The following DYNC2H1 variants were observed in gnomAD, a reference collection of about 807,000 sequenced individuals.
DYNC2H1 encodes the protein dynein cytoplasmic 2 heavy chain 1.
In DYNC2H1, 410 loss-of-function variants were observed where a neutral mutation model predicts 570.0. The ratio of observed to expected loss-of-function variants is 0.72; its 90% CI spans 0.66 to 0.78. The LOEUF (loss-of-function observed/expected upper bound fraction) is 0.78. Among genes scored for constraint, DYNC2H1 ranks in the 30% least tolerant of loss-of-function variants. DYNC2H1 has a pLI of 0.00. For missense variants in DYNC2H1, 4,865 were observed against 5,046.4 expected (o/e 0.96, Z 1.09); for synonymous variants, 1,688 against 1,677.6 (o/e 1.01, Z -0.15).
chr11:103,217,082 A>C (rs1386285824), intron 55 of DYNC2H1, among the ~76,000 whole-genome samples: 21 of 152,128 alleles, frequency 1.4e-4, no homozygotes, highest in Admixed American at 1.4e-3. Flanking sequence ...GGTAACTGTT[A>C]CCTTGTCAAC....
intron 73 of DYNC2H1, among the ~76,000 whole-genome samples, chr11:103,284,023 A>AG (rs34017319): frequency 0.96 from 146,859 of 152,196 alleles, 71,047 homozygotes; most frequent in Middle Eastern, 1. Context: ...TACTTTTAAC[A>AG]GAACCCTGCA....
chr11:103,180,692 C>T (rs983303166), intron 39 of DYNC2H1, among the ~76,000 whole-genome samples: 2 of 151,232 alleles, frequency 1.3e-5, no homozygotes, highest in Non-Finnish European at 3.0e-5. Context: ...ATTAATGATT[C>T]TGGGACAACT....
chr11:103,273,769 A>G (rs1865799876), intron 70 of DYNC2H1, among the ~76,000 whole-genome samples: 1 of 152,172 alleles, frequency 6.6e-6, no homozygotes, highest in African/African-American at 2.4e-5. Context: ...CTGAGGTCAC[A>G]TGGAAACCCT....
intron 70 of DYNC2H1, among the ~76,000 whole-genome samples, chr11:103,272,144 C>T (rs142432351): frequency 0.034 from 5,143 of 152,242 alleles, 124 homozygotes; most frequent in Non-Finnish European, 0.047. Context: ...TGCGGCACTA[C>T]TCACAATAGC....
Position 103,203,668 on chromosome 11 carries a change from G to C in DYNC2H1, c.8203G>C (p.Val2735Leu), listed in dbSNP as rs780179930. ...AGTCTAATATTTTTCTGTAGGTGAA[G>C]TTCCTGGACTCTATACTCTTGAAGA... Reference protein sequence around the residue: ...MINSLLSSGEVPGLYTLEELE... With the variant: ...MINSLLSSGELPGLYTLEELE... The change falls in exon 51 of 89, where the codon GTT becomes CTT. Residue 2735 changes from valine to leucine, a missense_variant. Val to Leu is a conservative substitution (Grantham distance 32). This residue lies in a region of DYNC2H1 where 2,401 missense variants were observed against 2,454.6 expected (regional missense o/e 0.98). Coordinates refer to ENST00000375735, the MANE Select transcript of DYNC2H1 (RefSeq NM_001377.3). The surrounding 1 kb of genome is among the most constrained non-coding windows in gnomAD (Gnocchi z 4.7). The C allele has an allele frequency of 8.1e-6, 13 of 1,595,648 alleles. No homozygotes were observed. Among genetic ancestry groups the C allele is most frequent in the Non-Finnish European group, 9.4e-6 (11 of 1,172,138 alleles).
chr11:103,293,990 T>C (rs556563622), intron 75 of DYNC2H1, among the ~76,000 whole-genome samples: 2 of 152,042 alleles, frequency 1.3e-5, no homozygotes, highest in Non-Finnish European at 1.5e-5. Context: ...GGCAGGAGAA[T>C]TGCTTGAATC....
At chr11:103,418,646 T>C (rs1446134806) in intron 84 of DYNC2H1, among the ~76,000 whole-genome samples, 1 of 152,126 alleles carries the variant, frequency 6.6e-6, no homozygotes, top group Non-Finnish European at 1.5e-5. Flanking sequence ...AATATCCATG[T>C]TCTCGCATTG....
Position 103,456,286 on chromosome 11 carries a change from G to T in DYNC2H1, c.12578G>T (p.Arg4193Leu). The change falls in exon 87 of 89, where the codon CGT becomes CTT. Residue 4193 changes from arginine (R) to leucine (L), a missense_variant. Arg to Leu is a moderately radical substitution (Grantham distance 102, BLOSUM62 -2). Around this residue, in one of 5 missense-constraint regions of DYNC2H1, gnomAD observed 2,401 missense variants for 2,454.6 expected, o/e 0.98. Transcript: ENST00000375735. ...CTTTACCTTTACAGGGCAGTGGGTC[G>T]TTCTGTGGATAGCCTTAAATTTGTA... Reference protein sequence around the residue: ...LRQETARAVGRSVDSLKFVAS... With the variant: ...LRQETARAVGLSVDSLKFVAS... 6.2e-7 allele frequency: 1 copy of T among 1,608,404 alleles called. No individual in the cohort carries two copies. The highest frequency in any genetic ancestry group is 8.5e-7 in the Non-Finnish European group (1 of 1,176,814).
chr11:103,149,697 C>T (rs1860439315), intron 20 of DYNC2H1, among the ~76,000 whole-genome samples: 2 of 152,016 alleles, frequency 1.3e-5, no homozygotes. Flanking sequence ...TTGATGTATT[C>T]CAGGCATTGT....
chr11:103,339,035 T>A (rs2135479931), intron 82 of DYNC2H1, among the ~76,000 whole-genome samples: 1 of 152,316 alleles, frequency 6.6e-6, no homozygotes, highest in Non-Finnish European at 1.5e-5. Context: ...CATTTTAGCA[T>A]TACCAGGTGC....
Position 103,120,484 on chromosome 11 carries a change from A to C in DYNC2H1, c.1037A>C (p.Tyr346Ser), listed in dbSNP as rs562024274. The C allele has an allele frequency of 4.3e-6, 7 of 1,612,486 alleles. No homozygotes were observed. Among genetic ancestry groups the C allele is most frequent in the Non-Finnish European group, 5.9e-6 (7 of 1,179,080 alleles). ...AGAACAATTCATGAGAAGTTTCTCTATTTTCTACCTGCCAGTGAAGAGAAA... is the reference window on the plus strand; with the variant it reads ...AGAACAATTCATGAGAAGTTTCTCTCTTTTCTACCTGCCAGTGAAGAGAAA... ...AIRTIHEKFL[Y>S]FLPASEEKII... The change falls in exon 7 of 89, where the codon TAT (tyrosine) becomes TCT (serine). Residue 346 changes from tyrosine (Y) to serine (S), a missense_variant. Tyr to Ser is a moderately radical substitution (Grantham distance 144). This residue lies in a region of DYNC2H1 where 1,936 missense variants were observed against 1,962.1 expected (regional missense o/e 0.99). Coordinates refer to ENST00000375735, the MANE Select transcript of DYNC2H1 (RefSeq NM_001377.3).
chr11:103,341,085 C>G (rs1395372034), intron 82 of DYNC2H1, among the ~76,000 whole-genome samples: 97 of 151,950 alleles, frequency 6.4e-4, no homozygotes, highest in Non-Finnish European at 1.5e-5. Context: ...AGGCTGTGTA[C>G]TTGATTATTT....
Position 103,225,570 on chromosome 11 carries a change from G to A in DYNC2H1, c.9353+2484G>A, listed in dbSNP as rs117986726. ...AAAGATCAGTTGGCTGTAAGTATTT[G>A]GGTTTATTTCTGGATTTTCTCTTCT... On this transcript the variant is annotated intron_variant, in intron 59 of 88. Coordinates refer to ENST00000375735, the MANE Select transcript of DYNC2H1 (RefSeq NM_001377.3). 3.2e-3 allele frequency among the ~76,000 whole-genome samples: 484 copies of A among 152,134 alleles called. 2 individuals are homozygous for A. The highest frequency in any genetic ancestry group is 4.7e-3 in the Non-Finnish European group (318 of 67,982).
intron 82 of DYNC2H1, among the ~76,000 whole-genome samples, chr11:103,349,336 T>C (rs1416292460): frequency 6.6e-6 from 1 of 152,178 alleles, no homozygotes; most frequent in Non-Finnish European, 1.5e-5. Context: ...AGGTCTTACA[T>C]GTATTTCGTT....
At chr11:103,357,906 C>T (rs751735069) in intron 82 of DYNC2H1, among the ~76,000 whole-genome samples, 8 of 152,100 alleles carry the variant, frequency 5.3e-5, no homozygotes, top group Admixed American at 2.6e-4. Flanking sequence ...GCTATCATTG[C>T]GCTATTGCAC....
At chr11:103,464,134 C>G (rs1037069903) in intron 87 of DYNC2H1, among the ~76,000 whole-genome samples, 2 of 152,112 alleles carry the variant, frequency 1.3e-5, no homozygotes, top group Non-Finnish European at 2.9e-5. Context: ...ATAGAAAAAT[C>G]TGACAAAAAA....
In DYNC2H1 at chr11:103,468,710, TAC is replaced by T; in HGVS notation, c.12765+7_12765+8del. The T allele has an allele frequency of 6.3e-7, 1 of 1,594,852 alleles. No homozygotes were observed. The highest frequency in any genetic ancestry group is 8.6e-7 in the Non-Finnish European group (1 of 1,164,614). ...TTTATGGGCTGGATTCCACAGGTAA[TAC>T]ATTTTTAACAAGCACAAGTTTTAAT... On this transcript the variant is annotated splice_donor_region_variant and intron_variant, in intron 88 of 88. Coordinates refer to ENST00000375735, the MANE Select transcript of DYNC2H1 (RefSeq NM_001377.3).
chr11:103,339,244 A>C (rs1314059438), intron 82 of DYNC2H1, among the ~76,000 whole-genome samples: 1 of 151,872 alleles, frequency 6.6e-6, no homozygotes, highest in Non-Finnish European at 1.5e-5. Context: ...TGTGGTCGGC[A>C]CAGTTGACTG....
intron 84 of DYNC2H1, among the ~76,000 whole-genome samples, chr11:103,412,263 C>T (rs1565576327): frequency 6.6e-6 from 1 of 151,962 alleles, no homozygotes; most frequent in South Asian, 2.1e-4. Context: ...ATGTGTGACA[C>T]GATTGGAGTA....
Sources: gnomAD v4.1 joint callset for allele counts (sites outside exome capture counted in the v4.1 genomes callset) on GRCh38, gnomAD v4.1.1 for gene constraint, gnomAD v4.1.1 regional missense constraint, Gnocchi (gnomAD v3.1) non-coding constraint, MANE v1.5 for transcripts, NCBI Gene and HGNC (gene_info 2026-07-23, HGNC 2026-07-21) for gene names.